Variants in ABCB4 observed in about 807,000 individuals in gnomAD.
ABCB4 encodes phosphatidylcholine translocator ABCB4.
In ABCB4, 76 loss-of-function variants were observed where a neutral mutation model predicts 145.7. The observed-to-expected ratio is 0.52, with a 90% confidence interval of 0.43 to 0.63. The LOEUF is 0.63. Ranked by LOEUF, ABCB4 falls within the 30% of genes least tolerant of loss-of-function variation. The pLI, the probability that ABCB4 is intolerant of heterozygous loss-of-function variation, is 0.00. For synonymous variants in ABCB4, 517 were observed against 566.8 expected, an observed-to-expected ratio of 0.91 and a Z score of 1.25; for missense variants, 1,234 against 1,553.1, an observed-to-expected ratio of 0.79 and a Z score of 3.45.
the ABCB4 span, among the ~76,000 whole-genome samples, chr7:87,387,685 C>T: frequency 5.3e-5 from 8 of 152,150 alleles, no homozygotes; most frequent in Non-Finnish European, 1.0e-4. Flanking sequence ...GGCATGGTGG[C>T]TCACACCTGT....
Position 87,462,779 on chromosome 7 carries a change from C to A in ABCB4, c.265G>T (p.Ala89Ser), listed in dbSNP as rs752856063. The A allele has an allele frequency of 1.2e-6, 2 of 1,613,908 alleles. No homozygotes were observed. The highest frequency in any genetic ancestry group is 1.1e-5 in the South Asian group (1 of 91,060). Residue 89 changes from alanine (A) to serine (S), a missense_variant, in exon 4 of 28, where the codon GCA becomes TCA. Coordinates refer to ENST00000649586, the MANE Select transcript of ABCB4 (RefSeq NM_000443.4). ...GEMTDKFVDT[A>S]GNFSFPVNFS... ...TTACCTGGAAAGGAGAAGTTTCCTG[C>A]AGTATCAACAAATTTGTCAGTCATC...
chr7:87,469,139 T>C (rs1813171801), intron 3 of ABCB4, among the ~76,000 whole-genome samples: 1 of 152,064 alleles, frequency 6.6e-6, no homozygotes. Flanking sequence ...ATTATCTCAA[T>C]AGATGCAGAA....
intron 12 of ABCB4, among the ~76,000 whole-genome samples, chr7:87,440,976 G>A: frequency 6.6e-6 from 1 of 152,086 alleles, no homozygotes; most frequent in Non-Finnish European, 1.5e-5. Context: ...TCCTGACCTC[G>A]TGACCGCCCG....
At chr7:87,424,244 C>G (rs1809655354) in intron 16 of ABCB4, among the ~76,000 whole-genome samples, 192 bp from the exon 17 acceptor site, 1 of 152,114 alleles carries the variant, frequency 6.6e-6, no homozygotes, top group Non-Finnish European at 1.5e-5. Flanking sequence ...ACATCATAAG[C>G]TGAGTATGGG....
the ABCB4 span, chr7:87,381,928 A>G: frequency 5.6e-6 from 9 of 1,609,074 alleles, no homozygotes; most frequent in African/African-American, 6.7e-5. Context: ...TTTTGATGCA[A>G]TGATTATGGT....
downstream of ABCB4, chr7:87,398,949 A>G (rs1807652737): frequency 7.6e-6 from 2 of 261,950 alleles, no homozygotes; most frequent in Non-Finnish European, 1.4e-5. Context: ...TGCAAGTCTT[A>G]CTCTAATTTT....
At chr7:87,442,667 C>T (rs943852352) in intron 12 of ABCB4, among the ~76,000 whole-genome samples, 17 of 151,976 alleles carry the variant, frequency 1.1e-4, no homozygotes, top group Admixed American at 3.3e-4. Context: ...CACACACACA[C>T]GGAGAAAGAG....
chr7:87,433,678 T>TTTTG (rs1562970527), intron 14 of ABCB4, among the ~76,000 whole-genome samples: 3 of 148,566 alleles, frequency 2.0e-5, no homozygotes, highest in Non-Finnish European at 1.5e-5. Flanking sequence ...TGTTGTTGTT[T>TTTTG]TTTTTTTTTT....
intron 15 of ABCB4, among the ~76,000 whole-genome samples, chr7:87,430,683 C>T (rs1475099526): frequency 1.3e-5 from 2 of 152,064 alleles, no homozygotes; most frequent in African/African-American, 2.4e-5. Flanking sequence ...CACCACCATG[C>T]CCAGCTAATT....
intron 2 of ABCB4, among the ~76,000 whole-genome samples, chr7:87,474,184 C>T (rs180926726): frequency 2.2e-4 from 34 of 152,296 alleles, no homozygotes; most frequent in Non-Finnish European, 4.3e-4. Context: ...CCTTTGCACA[C>T]GCATCAAATG....
At chr7:87,437,623 A>AT (rs1393197826) in intron 14 of ABCB4, among the ~76,000 whole-genome samples, 1 of 152,206 alleles carries the variant, frequency 6.6e-6, no homozygotes, top group Non-Finnish European at 1.5e-5. Flanking sequence ...ATAACTTTAC[A>AT]TGCAGTATCT....
intron 2 of ABCB4, 47 bp downstream of exon 2, chr7:87,475,325 GGTGAACTTAGTCCT>G: frequency 6.3e-7 from 1 of 1,592,610 alleles, no homozygotes; most frequent in Non-Finnish European, 8.6e-7. Flanking sequence ...TCTTTCCAAG[GGTGAACTTAGTCCT>G]GCTGATTGGC....
At chr7:87,438,020 T>C (rs916278518) in intron 14 of ABCB4, among the ~76,000 whole-genome samples, 1 of 152,224 alleles carries the variant, frequency 6.6e-6, no homozygotes, top group African/African-American at 2.4e-5. Context: ...GGTCATATTA[T>C]GAAAAACAAT....
chr7:87,458,573 T>A (rs1812253344), intron 4 of ABCB4, among the ~76,000 whole-genome samples: 2 of 152,192 alleles, frequency 1.3e-5, no homozygotes, highest in African/African-American at 4.8e-5. Context: ...CCAACCCCCA[T>A]GATTTTTGTT....
At position 87,406,388 on chromosome 7, in the gene ABCB4, T is replaced by C. The variant is rs773284062; in HGVS notation, c.3386A>G (p.Asn1129Ser). 2 of 1,614,032 alleles carry C rather than the reference T, an allele frequency of 1.2e-6. No homozygotes were observed. The highest frequency in any genetic ancestry group is 1.7e-6 in the Non-Finnish European group (2 of 1,180,032). Residue 1129 changes from asparagine to serine, a missense_variant, in exon 26 of 28, where the codon AAT becomes AGT. Coordinates refer to ENST00000649586, the MANE Select transcript of ABCB4 (RefSeq NM_000443.4). Reference sequence around the variant, plus strand: ...CCGGCTGTTGTCTCCATAGGCAATATTCTCGGCAATGCTGCAGTCAAATAG... The same window carrying C: ...CCGGCTGTTGTCTCCATAGGCAATACTCTCGGCAATGCTGCAGTCAAATAG... Reference protein sequence around the residue: ...PILFDCSIAENIAYGDNSRVV... With the variant: ...PILFDCSIAESIAYGDNSRVV...
In ABCB4 at chr7:87,402,248, C is replaced by T; in HGVS notation, c.3688G>A (p.Ala1230Thr). ...AREGRTCIVI[A>T]HRLSTIQNAD... is the part of the protein sequence containing the mutation. The stretch of plus-strand genomic sequence containing the variant: ...TTCTGGATGGTGGACAGGCGGTGAG[C>T]AATCACAATGCAGGTGCGGCCTTCT... Residue 1230 changes from alanine (A) to threonine (T), a missense_variant, in exon 28 of 28, where the codon GCT (alanine) becomes ACT (threonine). Around this residue, in one of 7 missense-constraint regions of ABCB4, gnomAD observed 58 missense variants for 75.9 expected, o/e 0.76. Coordinates refer to ENST00000649586, the MANE Select transcript of ABCB4 (RefSeq NM_000443.4). 1 of 1,614,030 alleles carries T rather than the reference C, an allele frequency of 6.2e-7. No homozygotes were observed. The highest frequency in any genetic ancestry group is 8.5e-7 in the Non-Finnish European group (1 of 1,179,954).
At chr7:87,400,686 C>A (rs1053230423), downstream of ABCB4, among the ~76,000 whole-genome samples, 1 of 152,132 alleles carries the variant, frequency 6.6e-6, no homozygotes, top group Non-Finnish European at 1.5e-5. Context: ...CTCCAAAATC[C>A]AAAACATTTT....
intron 4 of ABCB4, among the ~76,000 whole-genome samples, chr7:87,459,671 C>A (rs1241224372): frequency 6.6e-6 from 1 of 151,802 alleles, no homozygotes; most frequent in Non-Finnish European, 1.5e-5. Flanking sequence ...GACATCACAC[C>A]CACCCATTTT....
chr7:87,420,098 G>T, intron 18 of ABCB4, 23 bp from the exon 19 acceptor site: 2 of 1,611,112 alleles, frequency 1.2e-6, no homozygotes, highest in Non-Finnish European at 1.7e-6. Context: ...AAAGGCTATG[G>T]TCTCTTTTGA....
Sources: allele counts gnomAD v4.1 joint callset (sites outside exome capture counted in the v4.1 genomes callset), GRCh38; gene constraint gnomAD v4.1.1; regional missense constraint gnomAD v4.1.1; transcripts MANE v1.5; gene names NCBI Gene and HGNC (gene_info 2026-07-23, HGNC 2026-07-21).